Variants in SETDB2 observed in about 807,000 individuals in gnomAD.
SETDB2 encodes SET domain bifurcated histone lysine methyltransferase 2.
A neutral mutation model predicts 82.5 loss-of-function variants in SETDB2; 56 were observed. The observed-to-expected ratio is 0.68, with a 90% CI of 0.55 to 0.85. The LOEUF is 0.85. Among genes scored for constraint, SETDB2 ranks in the 40% least tolerant of loss-of-function variants. The pLI is 0.00. For synonymous variants in SETDB2, 272 were observed against 284.9 expected (o/e 0.95, Z 0.46); for missense variants, 677 against 816.4 (o/e 0.83, Z 2.08).
At chr13:49,465,879 AG>A (rs1958101744) in intron 4 of SETDB2, among the ~76,000 whole-genome samples, 2 of 152,318 alleles carry the variant, frequency 1.3e-5, no homozygotes, top group South Asian at 4.1e-4. Context: ...GCAAAGTGTA[AG>A]GGTAGCCATC....
chr13:49,482,796 G>A lies in SETDB2; in HGVS notation c.1216G>A (p.Asp406Asn), dbSNP rs754567617. 6.2e-7 allele frequency: 1 copy of A among 1,612,810 alleles called. No individual in the cohort carries two copies. Among genetic ancestry groups the A allele is most frequent in the Non-Finnish European group, 8.5e-7 (1 of 1,179,136 alleles). ...KSYGIDENGR[D>N]ENTMKNIFSK... is the part of the protein sequence containing the mutation. ...TTATGGTATTGATGAAAACGGGAGAGATGAGAATACTATGAAAAATATATT... is the reference window on the plus strand; with the variant it reads ...TTATGGTATTGATGAAAACGGGAGAAATGAGAATACTATGAAAAATATATT... Residue 406 changes from aspartate to asparagine, a missense_variant, in exon 9 of 14, where the codon GAT (aspartate) becomes AAT (asparagine). Coordinates refer to ENST00000611815, the MANE Select transcript of SETDB2 (RefSeq NM_001160308.3).
chr13:49,460,245 A>T lies in SETDB2; in HGVS notation c.142+13A>T, dbSNP rs1957966383. 6.2e-7 allele frequency: 1 copy of T among 1,609,318 alleles called. No individual in the cohort carries two copies. Among genetic ancestry groups the T allele is most frequent in the Non-Finnish European group, 8.5e-7 (1 of 1,178,712 alleles). On this transcript the variant is annotated intron_variant, in intron 3 of 13. Coordinates refer to ENST00000611815, the MANE Select transcript of SETDB2 (RefSeq NM_001160308.3). ...GCCACCAATAAAGGTATGAAGCAAT[A>T]AAAACTTTGAATATGTTTAATACTA...
At chr13:49,471,934 ATTTT>A (rs35468680) in intron 5 of SETDB2, among the ~76,000 whole-genome samples, 16 of 119,250 alleles carry the variant, frequency 1.3e-4, no homozygotes, top group African/African-American at 5.0e-4. Flanking sequence ...ATATATATAT[ATTTT>A]TTTTTTTTTT....
chr13:49,489,596 C>CTTTTTTT (rs58715452), intron 12 of SETDB2, among the ~76,000 whole-genome samples: 5 of 100,560 alleles, frequency 5.0e-5, no homozygotes, highest in Non-Finnish European at 7.2e-5. Context: ...CATATTTATT[C>CTTTTTTT]TTTTTTTTTT....
intron 11 of SETDB2, among the ~76,000 whole-genome samples, chr13:49,487,614 T>A (rs569131335): frequency 6.2e-4 from 95 of 152,336 alleles, no homozygotes; most frequent in Non-Finnish European, 1.2e-3. Context: ...AGTGCTGGGA[T>A]TACAGGCATG....
At position 49,490,919 on chromosome 13, in the gene SETDB2, T is replaced by C. The variant is rs762260154; in HGVS notation, c.2006+9T>C. ...GCATTCTTCACCAACAGGTTTGAAA[T>C]TGATTTCGCTTACTTAATTCTGAAA... On this transcript the variant is annotated intron_variant, in intron 13 of 13. Transcript: ENST00000611815. 3.7e-6 allele frequency: 6 copies of C among 1,601,048 alleles called. No homozygotes were observed. The highest frequency in any genetic ancestry group is 2.7e-5 in the African/African-American group (2 of 74,794).
chr13:49,483,075 C>A, intron 9 of SETDB2, 113 bp downstream of exon 9: 1 of 731,200 alleles, frequency 1.4e-6, no homozygotes, highest in Non-Finnish European at 2.2e-6. Flanking sequence ...CATTTTGCTT[C>A]AAAGTTGTTA....
At chr13:49,487,077 G>A (rs2138988030) in intron 11 of SETDB2, among the ~76,000 whole-genome samples, 1 of 152,086 alleles carries the variant, frequency 6.6e-6, no homozygotes, top group South Asian at 2.1e-4. Context: ...TATATAGCGG[G>A]TACTCCAAAA....
intron 7 of SETDB2, 54 bp downstream of exon 7, chr13:49,480,389 C>A: frequency 9.1e-7 from 1 of 1,102,794 alleles, no homozygotes; most frequent in South Asian, 1.7e-5. Flanking sequence ...AAGGTGGGTA[C>A]TTTTTATTGT....
At chr13:49,454,900 C>CT (rs1957852641) in intron 2 of SETDB2, among the ~76,000 whole-genome samples, 1 of 151,846 alleles carries the variant, frequency 6.6e-6, no homozygotes, top group African/African-American at 2.4e-5. Flanking sequence ...ACTTTATACT[C>CT]TTTAGAGTAT....
intron 8 of SETDB2, chr13:49,482,169 C>T (rs1958492993): frequency 3.0e-6 from 3 of 985,422 alleles, no homozygotes; most frequent in Non-Finnish European, 3.6e-6. Context: ...GAAAATGTAA[C>T]TAAGATATGT....
Position 49,483,910 on chromosome 13 carries a change from G to A in SETDB2, c.1482+347G>A, listed in dbSNP as rs564535157. On this transcript the variant is annotated intron_variant, in intron 10 of 13. Transcript: ENST00000611815. ...TCTGGGATTATAGGCATGAGCCACC[G>A]CACCCAGCTGCTGGGGCCCTTCTGA... is the stretch of plus-strand genomic sequence containing the variant. 1.1e-4 allele frequency among the ~76,000 whole-genome samples: 17 copies of A among 152,210 alleles called. No homozygotes were observed. In the Middle Eastern group the frequency reaches 0.014, roughly 122 times the overall value.
chr13:49,481,919 A>G (rs1958486549), intron 8 of SETDB2: 2 of 342,064 alleles, frequency 5.8e-6, no homozygotes, highest in Non-Finnish European at 4.1e-6. Flanking sequence ...ATCTGTTTAC[A>G]TGACCATGTG....
rs937121778 is a variant in SETDB2 at position 49,492,409 on chromosome 13, C to G, written c.*560C>G. ...GATCGATAAAACACTGTCCCATCAA[C>G]CATTTGAGTGGGGAGAGGGAGAAGC... On this transcript the variant is annotated 3_prime_UTR_variant, in exon 14 of 14. Transcript: ENST00000611815. The G allele has an allele frequency of 2.0e-5, 3 of 153,172 alleles. No homozygotes were observed. Among genetic ancestry groups the G allele is most frequent in the African/African-American group, 7.2e-5 (3 of 41,426 alleles). 9.5% of individuals were successfully genotyped at this position (153,172 alleles called of 1,614,324 possible). A position where few individuals can be genotyped will look rare whatever the true frequency, so the allele number is the denominator to read the frequency against.
intron 4 of SETDB2, 29 bp from the exon 5 acceptor site, chr13:49,467,835 T>C: frequency 6.5e-7 from 1 of 1,544,940 alleles, no homozygotes; most frequent in East Asian, 2.3e-5. Flanking sequence ...ACTTGGTATA[T>C]TTGTTGCTCA....
In SETDB2 at chr13:49,444,610, G is replaced by T. The variant is rs1957621291; in HGVS notation, c.-589G>T. Reference sequence around the variant, plus strand: ...GGAGCCCTCGGCCGCCCGAGCAGGGGCTGGACCCCAGCCCTTGCAGCCTCC... The same window carrying T: ...GGAGCCCTCGGCCGCCCGAGCAGGGTCTGGACCCCAGCCCTTGCAGCCTCC... On this transcript the variant is annotated 5_prime_UTR_variant, in exon 1 of 14. Transcript: ENST00000611815. 6.3e-6 allele frequency: 1 copy of T among 158,048 alleles called. No homozygotes were observed. The highest frequency in any genetic ancestry group is 1.4e-5 in the Non-Finnish European group (1 of 70,842). The allele number at this position is 158,048 out of a possible 1,614,324, so 9.8% of individuals were successfully genotyped here. A position where few individuals can be genotyped will look rare whatever the true frequency, so the allele number is the denominator to read the frequency against.
intron 5 of SETDB2, among the ~76,000 whole-genome samples, chr13:49,475,842 A>AT (rs1405444302): frequency 2.0e-5 from 3 of 151,180 alleles, no homozygotes; most frequent in African/African-American, 2.4e-5. Context: ...TCAGTTTGCC[A>AT]TTTTTTCAGA....
At chr13:49,450,903 A>G (rs112563173) in intron 1 of SETDB2, among the ~76,000 whole-genome samples, 6,252 of 151,240 alleles carry the variant, frequency 0.041, 211 homozygotes, top group African/African-American at 0.094. Flanking sequence ...AAATTAATCT[A>G]TAAAGGAAAA....
chr13:49,466,805 G>A (rs918171485), intron 4 of SETDB2, among the ~76,000 whole-genome samples: 2 of 136,536 alleles, frequency 1.5e-5, no homozygotes, highest in East Asian at 2.2e-4. Flanking sequence ...CACCATGCCT[G>A]GCTAACTTTT....
Sources: gnomAD v4.1 joint callset for allele counts (sites outside exome capture counted in the v4.1 genomes callset) on GRCh38, gnomAD v4.1.1 for gene constraint, MANE v1.5 for transcripts, NCBI Gene and HGNC (gene_info 2026-07-23, HGNC 2026-07-21) for gene names.